PNLIP: variants seen among roughly 807,000 people sequenced by gnomAD.
PNLIP encodes pancreatic lipase, also known as pancreatic triacylglycerol lipase.
In PNLIP, 49 loss-of-function variants were observed where a neutral mutation model predicts 57.1. The ratio of observed to expected loss-of-function variants is 0.86; its 90% confidence interval spans 0.68 to 1.09. PNLIP has a LOEUF of 1.09. PNLIP is among the 50% of genes least tolerant of loss of function. The probability of loss-of-function intolerance (pLI) is 0.00; values close to 1 mark genes in which losing one functional copy is unlikely to be tolerated. For missense variants in PNLIP, 503 were observed against 570.2 expected (o/e 0.88, Z 1.20); for synonymous variants, 209 against 200.4 (o/e 1.04, Z -0.36).
chr10:116,549,905 A>G (rs1370255368), intron 4 of PNLIP, among the ~76,000 whole-genome samples: 1 of 152,098 alleles, frequency 6.6e-6, no homozygotes, highest in Admixed American at 6.5e-5. Context: ...AGTGGTTTAA[A>G]CTAGAAGGAT....
intron 2 of PNLIP, 84 bp from the exon 3 acceptor site, chr10:116,547,210 C>T (rs1847135290): frequency 7.7e-7 from 1 of 1,293,298 alleles, no homozygotes; most frequent in Non-Finnish European, 1.1e-6. Flanking sequence ...GTCTACCACA[C>T]AGTGTAATTG....
Position 116,547,447 on chromosome 10 carries a change from A to G in PNLIP, c.200A>G (p.Gln67Arg), listed in dbSNP as rs752164334. 2.5e-6 allele frequency: 4 copies of G among 1,611,288 alleles called. No homozygotes were observed. Among genetic ancestry groups the G allele is most frequent in the Non-Finnish European group, 2.5e-6 (3 of 1,179,058 alleles). The stretch of plus-strand genomic sequence containing the variant: ...ACTAATGAGAACCCAAACAACTTTC[A>G]AGTAAGAACTATCACTGTGTTTAGA... ...LYTNENPNNF[Q>R]EVAADSSSIS... is the part of the protein sequence containing the mutation. The change falls in exon 3 of 13, where the codon CAA becomes CGA. Residue 67 changes from glutamine to arginine, a missense_variant and splice_region_variant. Physicochemically the swap from Gln to Arg is conservative, Grantham distance 43. Transcript: ENST00000369221.
At chr10:116,555,124 T>G in intron 6 of PNLIP, 54 bp from the exon 7 acceptor site, 1 of 1,602,108 alleles carries the variant, frequency 6.2e-7, no homozygotes, top group South Asian at 1.1e-5. Context: ...ATTTTACTCT[T>G]AATACTTGTA....
intron 4 of PNLIP, 136 bp from the exon 5 acceptor site, chr10:116,550,962 G>C (rs1589555017): frequency 1.6e-6 from 1 of 623,678 alleles, no homozygotes; most frequent in East Asian, 3.1e-5. Flanking sequence ...CAGACTAAAA[G>C]TTTTGTCAAT....
chr10:116,548,284 C>T, intron 3 of PNLIP, 76 bp from the exon 4 acceptor site: 3 of 1,426,160 alleles, frequency 2.1e-6, no homozygotes, highest in East Asian at 2.3e-5. Context: ...CTTCTACTTA[C>T]TGCCCCTCTC....
At chr10:116,546,917 T>C (rs1326907128) in intron 2 of PNLIP, among the ~76,000 whole-genome samples, 1 of 152,176 alleles carries the variant, frequency 6.6e-6, no homozygotes, top group Non-Finnish European at 1.5e-5. Flanking sequence ...ATTTTAGCTC[T>C]CCTTTCAAAG....
At chr10:116,561,018 T>C (rs1847310498) in intron 11 of PNLIP, among the ~76,000 whole-genome samples, 1 of 152,256 alleles carries the variant, frequency 6.6e-6, no homozygotes, top group Non-Finnish European at 1.5e-5. Context: ...TACGCCTTAG[T>C]ACCATTCAGA....
chr10:116,547,741 A>AG (rs1319349792), intron 3 of PNLIP, among the ~76,000 whole-genome samples: 2 of 151,052 alleles, frequency 1.3e-5, no homozygotes, highest in Non-Finnish European at 3.0e-5. Flanking sequence ...AAAAAAAAAA[A>AG]AAAAAAAGAA....
chr10:116,546,171 G>A (rs765502459), intron 2 of PNLIP, 33 bp downstream of exon 2: 27 of 1,597,848 alleles, frequency 1.7e-5, no homozygotes, highest in Non-Finnish European at 2.2e-5. Context: ...AGCTGGGAGA[G>A]ATTCACTTTT....
intron 12 of PNLIP, among the ~76,000 whole-genome samples, chr10:116,564,433 T>C (rs1847344347): frequency 6.6e-6 from 1 of 152,154 alleles, no homozygotes; most frequent in Non-Finnish European, 1.5e-5. Context: ...TTTATACCCA[T>C]AAATATCTTT....
rs1847120713 is a variant in PNLIP, at chr10:116,546,136, C to T, written c.44C>T (p.Ala15Val). ...WTLSLLLGAV[A>V]GKEVCYERLG... Reference sequence around the variant, plus strand: ...CTTTCACTGCTGCTGGGAGCAGTAGCAGGTAAGAAAACAAATAAATGTTGA... The same window carrying T: ...CTTTCACTGCTGCTGGGAGCAGTAGTAGGTAAGAAAACAAATAAATGTTGA... The change falls in exon 2 of 13, where the codon GCA (alanine) becomes GTA (valine). Residue 15 changes from alanine (A) to valine (V), a missense_variant and splice_region_variant. Transcript: ENST00000369221. 6.2e-7 allele frequency: 1 copy of T among 1,612,636 alleles called. No individual in the cohort carries two copies. The highest frequency in any genetic ancestry group is 8.5e-7 in the Non-Finnish European group (1 of 1,178,726).
chr10:116,563,482 T>G (rs1847335396), intron 12 of PNLIP, among the ~76,000 whole-genome samples: 2 of 152,192 alleles, frequency 1.3e-5, no homozygotes, highest in African/African-American at 4.8e-5. Flanking sequence ...GAGATCCTGG[T>G]GCACCCATCA....
At chr10:116,552,381 G>A (rs1847203128) in intron 5 of PNLIP, among the ~76,000 whole-genome samples, 2 of 152,128 alleles carry the variant, frequency 1.3e-5, no homozygotes, top group African/African-American at 2.4e-5. Context: ...TGTGGAAGTG[G>A]AAGACAGTGA....
chr10:116,566,106 G>A (rs1251275700), intron 12 of PNLIP, among the ~76,000 whole-genome samples: 1 of 152,188 alleles, frequency 6.6e-6, no homozygotes, highest in Non-Finnish European at 1.5e-5. Context: ...ACCGTGCCTG[G>A]CCTGTAGCAG....
At chr10:116,554,866 T>C (rs1377236451) in intron 6 of PNLIP, among the ~76,000 whole-genome samples, 1 of 152,078 alleles carries the variant, frequency 6.6e-6, no homozygotes, top group African/African-American at 2.4e-5. Flanking sequence ...CTTGTGGGAG[T>C]TCACAGTCTA....
intron 5 of PNLIP, 33 bp downstream of exon 5, chr10:116,551,265 C>T (rs1847188983): frequency 7.7e-7 from 1 of 1,306,130 alleles, no homozygotes; most frequent in Non-Finnish European, 1.0e-6. Context: ...AAAGCCTGTA[C>T]ACATGGTTTT....
At chr10:116,567,084 C>CT in intron 12 of PNLIP, among the ~76,000 whole-genome samples, 1 of 144,116 alleles carries the variant, frequency 6.9e-6, no homozygotes, top group Non-Finnish European at 1.5e-5. Flanking sequence ...TCCCTTCTTT[C>CT]TTTTCATTCC....
chr10:116,552,657 C>T (rs1368008145), intron 5 of PNLIP, among the ~76,000 whole-genome samples: 5 of 152,136 alleles, frequency 3.3e-5, no homozygotes, highest in South Asian at 2.1e-4. Flanking sequence ...GAGGCCGAGG[C>T]GGGCGGATCA....
intron 3 of PNLIP, among the ~76,000 whole-genome samples, chr10:116,547,981 A>G (rs1259917399): frequency 1.3e-5 from 2 of 152,096 alleles, no homozygotes; most frequent in African/African-American, 4.8e-5. Context: ...TTATACATAT[A>G]AAGTATATAA....
Sources: allele counts gnomAD v4.1 joint callset (sites outside exome capture counted in the v4.1 genomes callset), GRCh38; gene constraint gnomAD v4.1.1; transcripts MANE v1.5; gene names NCBI Gene and HGNC (gene_info 2026-07-23, HGNC 2026-07-21).